The following ACACA variants were observed in gnomAD, a reference collection of about 807,000 sequenced individuals.
The protein encoded by ACACA is acetyl-CoA carboxylase alpha, also known as acetyl-CoA carboxylase 1.
Under a neutral mutation model 296.1 loss-of-function variants are expected in ACACA, and 103 were observed. That is an observed-to-expected ratio of 0.35 (90% CI 0.30 to 0.41). ACACA has a LOEUF of 0.41. Ranked by LOEUF, ACACA falls within the 10% of genes least tolerant of loss-of-function variation. The pLI is 1.00. For missense variants in ACACA, 1,554 were observed against 2,989.7 expected (o/e 0.52, Z 11.20); for synonymous variants, 953 against 1,038.6 (o/e 0.92, Z 1.58).
At chr17:37,281,153 TG>T (rs909424307) in intron 5 of ACACA, among the ~76,000 whole-genome samples, 11 of 151,244 alleles carry the variant, frequency 7.3e-5, no homozygotes, top group African/African-American at 2.7e-4. Context: ...CTCCTCCTCC[TG>T]GGTTCATGCG....
intron 30 of ACACA, 79 bp downstream of exon 30, chr17:37,210,388 G>A: frequency 1.5e-6 from 2 of 1,310,464 alleles, no homozygotes; most frequent in East Asian, 2.3e-5. Flanking sequence ...CAAGTGTTGT[G>A]GTTTTTTTTT....
chr17:37,189,059 C>T (rs2077647309), intron 38 of ACACA, among the ~76,000 whole-genome samples: 1 of 152,148 alleles, frequency 6.6e-6, no homozygotes, highest in Non-Finnish European at 1.5e-5. Flanking sequence ...TGAAGCTTGG[C>T]CACTGCTAAG....
chr17:37,356,876 GATTTTAA>G (rs1404003179), intron 1 of ACACA, among the ~76,000 whole-genome samples: 1 of 152,076 alleles, frequency 6.6e-6, no homozygotes. Flanking sequence ...AGGAAAAAAA[GATTTTAA>G]AGAAAGAAAA....
At chr17:37,376,072 T>C (rs1297760934) in intron 1 of ACACA, 7 of 1,605,248 alleles carry the variant, frequency 4.4e-6, no homozygotes, top group Non-Finnish European at 6.0e-6. Context: ...CTGTCTGCAA[T>C]GAGCATGTGC....
intron 21 of ACACA, among the ~76,000 whole-genome samples, 186 bp from the exon 22 acceptor site, chr17:37,243,745 T>A (rs1010141874): frequency 6.6e-6 from 1 of 152,144 alleles, no homozygotes; most frequent in African/African-American, 2.4e-5. Context: ...CCATATCTCA[T>A]CAATACTGTA....
At chr17:37,196,865 A>C (rs559599365) in intron 35 of ACACA, among the ~76,000 whole-genome samples, 2 of 151,052 alleles carry the variant, frequency 1.3e-5, no homozygotes, top group African/African-American at 2.4e-5. Context: ...TTTATTTTTT[A>C]TTTTCAGATG....
chr17:37,305,589 T>G (rs532133642), intron 3 of ACACA, among the ~76,000 whole-genome samples: 3 of 152,242 alleles, frequency 2.0e-5, no homozygotes, highest in Non-Finnish European at 4.4e-5. Flanking sequence ...ATCATGTCTC[T>G]TCTGTGCATG....
At chr17:37,379,107 C>T in intron 1 of ACACA, 1 of 1,592,056 alleles carries the variant, frequency 6.3e-7, no homozygotes, top group South Asian at 1.1e-5. Flanking sequence ...AAACCAGCTC[C>T]ATTTTTCTAT....
At chr17:37,130,976 C>T (rs2075066314) in intron 45 of ACACA, among the ~76,000 whole-genome samples, 1 of 150,266 alleles carries the variant, frequency 6.7e-6, no homozygotes. Flanking sequence ...TACTTTTGCA[C>T]CAGCCTAACA....
rs895693586 is a variant in ACACA, at chr17:37,184,010, G to A, written c.4777-2654C>T. Among the ~76,000 whole-genome samples the A allele has an allele frequency of 7.9e-5, 12 of 151,702 alleles. No homozygotes were observed. The East Asian group carries it at 2.2e-3, about 27-fold the overall frequency. On this transcript the variant is annotated intron_variant, in intron 39 of 55. Transcript: ENST00000616317. Reference sequence around the variant, plus strand: ...TGGGATTACAGGCATGCGCCACCACGCCCAGCTAATTTTGTATTTTTAGTA... The same window carrying A: ...TGGGATTACAGGCATGCGCCACCACACCCAGCTAATTTTGTATTTTTAGTA...
At chr17:37,171,522 T>C (rs1315425061) in intron 41 of ACACA, among the ~76,000 whole-genome samples, 1 of 152,168 alleles carries the variant, frequency 6.6e-6, no homozygotes, top group Non-Finnish European at 1.5e-5. Context: ...TGGCAAATAA[T>C]ACAATATGGA....
In ACACA at chr17:37,148,057, C is replaced by T. The variant is rs528726818; in HGVS notation, c.5679+1807G>A. On this transcript the variant is annotated intron_variant, in intron 45 of 55. Coordinates refer to ENST00000616317, the MANE Select transcript of ACACA (RefSeq NM_198834.3). ...AGAAGATATATTTCAGAAATTAGCT[C>T]TCTGACTGGGTATGGGAACATCATG... Among the ~76,000 whole-genome samples the T allele has an allele frequency of 3.3e-5, 5 of 151,928 alleles. No homozygotes were observed. The South Asian group carries it at 8.3e-4, about 25-fold the overall frequency.
intron 1 of ACACA, chr17:37,388,752 A>T: frequency 1.2e-6 from 2 of 1,613,028 alleles, no homozygotes; most frequent in Non-Finnish European, 1.7e-6. Context: ...TGCTCAGTGG[A>T]GTTGCCATTA....
intron 3 of ACACA, among the ~76,000 whole-genome samples, chr17:37,323,105 T>G (rs2047431553): frequency 6.6e-6 from 1 of 152,254 alleles, no homozygotes; most frequent in Non-Finnish European, 1.5e-5. Flanking sequence ...TCACTTGGGC[T>G]TTCAGAGTCG....
At chr17:37,404,556 C>G (rs1039483534) in intron 1 of ACACA, among the ~76,000 whole-genome samples, 2 of 149,736 alleles carry the variant, frequency 1.3e-5, no homozygotes, top group African/African-American at 4.9e-5. Flanking sequence ...ATTCTCCACA[C>G]AGCTGCCACA....
At chr17:37,324,532 T>TG (rs1294535956) in intron 3 of ACACA, among the ~76,000 whole-genome samples, 1 of 151,350 alleles carries the variant, frequency 6.6e-6, no homozygotes, top group Non-Finnish European at 1.5e-5. Context: ...TAGCCAGGCA[T>TG]GGTGGCACAC....
In ACACA at chr17:37,296,744, T is replaced by G. The variant is rs201000104; in HGVS notation, c.339-11774A>C. Among the ~76,000 whole-genome samples, 5 of 151,992 alleles carry G rather than the reference T, an allele frequency of 3.3e-5. No homozygotes were observed. The East Asian group carries it at 9.7e-4, about 29-fold the overall frequency. ...CATTTTGTGTGTGTGTGAGGCAGAG[T>G]CTCGCTCTGTAGCCCAGGCTGGAGT... On this transcript the variant is annotated intron_variant, in intron 3 of 55. Coordinates refer to ENST00000616317, the MANE Select transcript of ACACA (RefSeq NM_198834.3).
intron 3 of ACACA, among the ~76,000 whole-genome samples, chr17:37,312,746 G>A (rs553209452): frequency 3.7e-4 from 57 of 152,260 alleles, no homozygotes; most frequent in Middle Eastern, 3.4e-3. Flanking sequence ...AATAAAGGCA[G>A]CTGGGCCCGG....
chr17:37,274,610 C>G, intron 8 of ACACA: 2 of 984,474 alleles, frequency 2.0e-6, no homozygotes, highest in South Asian at 4.7e-5. Flanking sequence ...AGCAACTCAG[C>G]AGGCAAAATA....
Sources: allele counts gnomAD v4.1 joint callset (sites outside exome capture counted in the v4.1 genomes callset), GRCh38; gene constraint gnomAD v4.1.1; transcripts MANE v1.5; gene names NCBI Gene and HGNC (gene_info 2026-07-23, HGNC 2026-07-21).